Variants in PDZRN4 observed in about 807,000 individuals in gnomAD.
The protein encoded by PDZRN4 is PDZ domain containing ring finger 4.
In PDZRN4, 70 loss-of-function variants were observed where a neutral mutation model predicts 99.0. The observed-to-expected ratio is 0.71, with a 90% CI of 0.58 to 0.86. The LOEUF is 0.86. Ranked by LOEUF, PDZRN4 falls within the 40% of genes least tolerant of loss-of-function variation. The probability of loss-of-function intolerance (pLI) is 0.00; values close to 1 mark genes in which losing one functional copy is unlikely to be tolerated. For missense variants in PDZRN4, 1,474 were observed against 1,331.2 expected (o/e 1.11, Z -1.67); for synonymous variants, 551 against 501.6 (o/e 1.10, Z -1.32).
intron 3 of PDZRN4, among the ~76,000 whole-genome samples, chr12:41,448,799 G>A (rs749352599): frequency 5.3e-5 from 8 of 151,998 alleles, no homozygotes; most frequent in African/African-American, 1.2e-4. Flanking sequence ...CTGGGGGAGC[G>A]GGATTGACAA....
intron 3 of PDZRN4, among the ~76,000 whole-genome samples, chr12:41,490,162 A>G (rs998470472): frequency 6.6e-6 from 1 of 152,220 alleles, no homozygotes; most frequent in African/African-American, 2.4e-5. Flanking sequence ...GATAATTAAC[A>G]TATAAATTGC....
At chr12:41,286,357 T>TTG (rs1951422827) in intron 3 of PDZRN4, among the ~76,000 whole-genome samples, 1 of 102,198 alleles carries the variant, frequency 9.8e-6, no homozygotes, top group African/African-American at 3.1e-5. Context: ...TTTTTTTTTT[T>TTG]TTGTTGTTGT....
At chr12:41,528,639 C>G (rs1187608239) in intron 5 of PDZRN4, among the ~76,000 whole-genome samples, 1 of 152,148 alleles carries the variant, frequency 6.6e-6, no homozygotes, top group Middle Eastern at 3.2e-3. Flanking sequence ...CTTTTTAGCT[C>G]CAGACCATCC....
intron 3 of PDZRN4, among the ~76,000 whole-genome samples, chr12:41,416,072 T>C (rs748577161): frequency 3.9e-5 from 6 of 152,146 alleles, no homozygotes; most frequent in Non-Finnish European, 7.4e-5. Flanking sequence ...TCCTCTGAGA[T>C]TGACAAATAT....
intron 3 of PDZRN4, among the ~76,000 whole-genome samples, chr12:41,421,689 C>T (rs1952492138): frequency 6.6e-6 from 1 of 152,092 alleles, no homozygotes; most frequent in Non-Finnish European, 1.5e-5. Context: ...TAAGTGTCAC[C>T]CCTTTAATGT....
At chr12:41,227,960 A>G (rs1321133882) in intron 3 of PDZRN4, among the ~76,000 whole-genome samples, 1 of 151,994 alleles carries the variant, frequency 6.6e-6, no homozygotes, top group African/African-American at 2.4e-5. Context: ...CTCTAAAAAT[A>G]TAATTACTTT....
chr12:41,288,568 G>A (rs1226036373), intron 3 of PDZRN4, among the ~76,000 whole-genome samples: 3 of 151,302 alleles, frequency 2.0e-5, no homozygotes, highest in African/African-American at 4.9e-5. Context: ...AATAGAAGTC[G>A]TTCTGTAATA....
At chr12:41,212,720 T>C (rs1279836282) in intron 3 of PDZRN4, among the ~76,000 whole-genome samples, 1 of 152,004 alleles carries the variant, frequency 6.6e-6, no homozygotes, top group Non-Finnish European at 1.5e-5. Flanking sequence ...AGCTGTTGTT[T>C]GGGGAAATAT....
chr12:41,499,930 C>T (rs1938081447), intron 3 of PDZRN4, among the ~76,000 whole-genome samples: 2 of 151,970 alleles, frequency 1.3e-5, no homozygotes, highest in Admixed American at 1.3e-4. Flanking sequence ...CATACGTAAG[C>T]ATTTCCAAGG....
chr12:41,386,104 A>C (rs753975807), intron 3 of PDZRN4, among the ~76,000 whole-genome samples: 1 of 152,234 alleles, frequency 6.6e-6, no homozygotes, highest in Non-Finnish European at 1.5e-5. Flanking sequence ...GTCTTCGATA[A>C]AATTCAGTAT....
At chr12:41,304,194 CA>C (rs1565546552) in intron 3 of PDZRN4, among the ~76,000 whole-genome samples, 1 of 152,128 alleles carries the variant, frequency 6.6e-6, no homozygotes, top group African/African-American at 2.4e-5. Context: ...TTCGAGTTTA[CA>C]AAGTGCTTTC....
chr12:41,502,882 A>G (rs2120664034), intron 3 of PDZRN4, among the ~76,000 whole-genome samples: 1 of 152,250 alleles, frequency 6.6e-6, no homozygotes, highest in South Asian at 2.1e-4. Flanking sequence ...ATTGGTTTAA[A>G]AACTAATCAC....
At chr12:41,325,923 C>T (rs753603232) in intron 3 of PDZRN4, among the ~76,000 whole-genome samples, 6 of 152,002 alleles carry the variant, frequency 3.9e-5, no homozygotes, top group Non-Finnish European at 7.4e-5. Flanking sequence ...GGGATGTTTT[C>T]GACTCTTTAG....
At chr12:41,547,048 C>CA (rs1938965342) in intron 5 of PDZRN4, among the ~76,000 whole-genome samples, 1 of 152,162 alleles carries the variant, frequency 6.6e-6, no homozygotes. Flanking sequence ...AAAAACTCAA[C>CA]ATTCAACTAT....
chr12:41,458,904 T>G (rs1289664336), intron 3 of PDZRN4, among the ~76,000 whole-genome samples: 2 of 152,086 alleles, frequency 1.3e-5, no homozygotes, highest in Non-Finnish European at 2.9e-5. Context: ...GTCACAGAAG[T>G]TTCCGATGTT....
At chr12:41,496,622 T>C (rs1269443772) in intron 3 of PDZRN4, among the ~76,000 whole-genome samples, 1 of 152,084 alleles carries the variant, frequency 6.6e-6, no homozygotes, top group Non-Finnish European at 1.5e-5. Flanking sequence ...CAGAAATCAT[T>C]TGTACAATAC....
At chr12:41,297,913 C>T (rs1421820409) in intron 3 of PDZRN4, among the ~76,000 whole-genome samples, 3 of 152,264 alleles carry the variant, frequency 2.0e-5, no homozygotes, top group African/African-American at 7.2e-5. Context: ...AGAGGAAGAT[C>T]GATTAAAACA....
At chr12:41,562,709 T>C (rs769185602) in intron 7 of PDZRN4, among the ~76,000 whole-genome samples, 7 of 152,068 alleles carry the variant, frequency 4.6e-5, no homozygotes, top group African/African-American at 9.7e-5. Context: ...AAAGAAACTT[T>C]ACAAATCTTA....
In PDZRN4 at chr12:41,555,717, C is replaced by A. The variant is rs999937059; in HGVS notation, c.1322C>A (p.Ala441Asp). Residue 441 changes from alanine to aspartate, a missense_variant, in exon 7 of 10, where the codon GCT (alanine) becomes GAT (aspartate). Transcript: ENST00000402685. ...TTACAGGTTGACCCAAATAGCATTG[C>A]TGCCAAAGACGGCCGGATTCGAGAA... ...YVSEVDPNSI[A>D]AKDGRIREGD... The A allele has an allele frequency of 6.2e-7, 1 of 1,613,980 alleles. No individual in the cohort carries two copies. The highest frequency in any genetic ancestry group is 8.5e-7 in the Non-Finnish European group (1 of 1,179,886).
Sources: gnomAD v4.1 joint callset for allele counts (sites outside exome capture counted in the v4.1 genomes callset) on GRCh38, gnomAD v4.1.1 for gene constraint, MANE v1.5 for transcripts, NCBI Gene and HGNC (gene_info 2026-07-23, HGNC 2026-07-21) for gene names.